The following LRIT2 variants were observed in gnomAD, a reference collection of about 807,000 sequenced individuals.
LRIT2 encodes the protein leucine rich repeat, Ig-like and transmembrane domains 2.
A neutral mutation model predicts 22.4 loss-of-function variants in LRIT2; 23 were observed. The ratio of observed to expected loss-of-function variants is 1.03; its 90% confidence interval spans 0.74 to 1.45. The LOEUF is 1.45. LRIT2 is among the 40% of genes most tolerant of loss of function. LRIT2 has a pLI of 0.00. For synonymous variants in LRIT2, 291 were observed against 267.1 expected (o/e 1.09, Z -0.87); for missense variants, 784 against 665.6 (o/e 1.18, Z -1.96).
At chr10:84,225,268 TC>T in intron 1 of LRIT2, 142 bp downstream of exon 1, 1 of 1,212,040 alleles carries the variant, frequency 8.3e-7, no homozygotes, top group Non-Finnish European at 1.1e-6. Flanking sequence ...AATGCACAGT[TC>T]AGCAAAGTTC....
Position 84,222,264 on chromosome 10 carries a change from C to T in LRIT2, c.1309G>A (p.Gly437Ser). The change falls in exon 3 of 3, where the codon GGC (glycine) becomes AGC (serine). Residue 437 changes from glycine (G) to serine (S), a missense_variant. Gly to Ser is a moderately conservative substitution (Grantham distance 56). Transcript: ENST00000372113. ...CACTGGCCCTGGTGTGGAGGCTGGC[C>T]CTCTAGGCTGAGGCAGGCCTCATAT... ...TKYEACLSLE[G>S]QPPHQGQCVA... 6.2e-7 allele frequency: 1 copy of T among 1,614,182 alleles called. No homozygotes were observed. Among genetic ancestry groups the T allele is most frequent in the Non-Finnish European group, 8.5e-7 (1 of 1,180,036 alleles).
intron 1 of LRIT2, 49 bp from the exon 2 acceptor site, chr10:84,225,163 A>G: frequency 6.6e-7 from 1 of 1,519,126 alleles, no homozygotes; most frequent in East Asian, 2.3e-5. Flanking sequence ...GGGGACTGAA[A>G]AGTGGGGTCA....
In LRIT2 at chr10:84,221,388, A is replaced by G. The variant is rs1842503397; in HGVS notation, c.*532T>C. ...AGAGGGTCACACTTTATAAACAATG[A>G]AAGACACAAGAATACCGCAAAACAG... On this transcript the variant is annotated 3_prime_UTR_variant, in exon 3 of 3. Transcript: ENST00000372113. 6.6e-6 allele frequency: 1 copy of G among 152,278 alleles called. No individual in the cohort carries two copies. The highest frequency in any genetic ancestry group is 1.5e-5 in the Non-Finnish European group (1 of 68,108). The allele number at this position is 152,278 out of a possible 1,614,324, so 9.4% of individuals were successfully genotyped here. A position where few individuals can be genotyped will look rare whatever the true frequency, so the allele number is the denominator to read the frequency against.
chr10:84,222,474 C>A lies in LRIT2; in HGVS notation c.1099G>T (p.Asp367Tyr). Residue 367 changes from aspartate (D) to tyrosine (Y), a missense_variant, in exon 3 of 3, where the codon GAC becomes TAC. By Grantham distance (160) the Asp-to-Tyr change is radical. Coordinates refer to ENST00000372113, the MANE Select transcript of LRIT2 (RefSeq NM_001017924.5). ...ACTGTCTGCTTGACAACCCGCAGGT[C>A]AATGTAGGCATTGCCCTCCGAGGGG... ...SIPSEGNAYI[D>Y]LRVVKQTVHG... 1 of 1,614,006 alleles carries A rather than the reference C, an allele frequency of 6.2e-7. No homozygotes were observed. The highest frequency in any genetic ancestry group is 1.1e-5 in the South Asian group (1 of 91,068).
Position 84,221,658 on chromosome 10 carries a change from C to G in LRIT2, c.*262G>C, listed in dbSNP as rs955643879. The G allele has an allele frequency of 2.9e-6, 1 of 345,078 alleles. No individual in the cohort carries two copies. Among genetic ancestry groups the G allele is most frequent in the Non-Finnish European group, 5.3e-6 (1 of 190,434 alleles). 21.4% of individuals were successfully genotyped at this position (345,078 alleles called of 1,614,324 possible). A position where few individuals can be genotyped will look rare whatever the true frequency, so the allele number is the denominator to read the frequency against. ...AGAGTAATATTTAGTGATTTCTAATCACCATGTATAATAAAATGATTAATT... is the reference window on the plus strand; with the variant it reads ...AGAGTAATATTTAGTGATTTCTAATGACCATGTATAATAAAATGATTAATT... On this transcript the variant is annotated 3_prime_UTR_variant, in exon 3 of 3. Coordinates refer to ENST00000372113, the MANE Select transcript of LRIT2 (RefSeq NM_001017924.5).
chr10:84,224,364 A>C lies in LRIT2; in HGVS notation c.861T>G (p.Thr287=), dbSNP rs761868490. 5 of 1,613,790 alleles carry C rather than the reference A, an allele frequency of 3.1e-6. No individual in the cohort carries two copies. Among genetic ancestry groups the C allele is most frequent in the Non-Finnish European group, 3.4e-6 (4 of 1,179,998 alleles). Residue 287 remains threonine (T), a synonymous_variant, in exon 2 of 3, where the codon ACT becomes ACG. Coordinates refer to ENST00000372113, the MANE Select transcript of LRIT2 (RefSeq NM_001017924.5). ...ATTCTCTCCACATACTCAGGGGATA[A>C]GTCCATGCAATGGATGGTGAGGGGC... The part of the protein sequence containing the change: ...QASPSPSIAW[T]YPLSMWREFD...
chr10:84,222,772 G>C lies in LRIT2; in HGVS notation c.893-92C>G, dbSNP rs947480843. On this transcript the variant is annotated intron_variant, in intron 2 of 2. Coordinates refer to ENST00000372113, the MANE Select transcript of LRIT2 (RefSeq NM_001017924.5). ...TGCCAGTTTTGTTTTGTTTTGCTTTGTTTTTTGTTATTGTTGTTGTTAGAA... is the reference window on the plus strand; with the variant it reads ...TGCCAGTTTTGTTTTGTTTTGCTTTCTTTTTTGTTATTGTTGTTGTTAGAA... The C allele has an allele frequency of 2.0e-6, 3 of 1,464,674 alleles. No individual in the cohort carries two copies. In the African/African-American group the frequency reaches 4.2e-5, roughly 20 times the overall value. The allele number at this position is 1,464,674 out of a possible 1,614,324, so 90.7% of individuals were successfully genotyped here.
rs917916099 is a variant in LRIT2, at chr10:84,225,028, G to A, written c.197C>T (p.Pro66Leu). 6.2e-7 allele frequency: 1 copy of A among 1,614,018 alleles called. No homozygotes were observed. The change falls in exon 2 of 3, where the codon CCC becomes CTC. Residue 66 changes from proline to leucine, a missense_variant. Coordinates refer to ENST00000372113, the MANE Select transcript of LRIT2 (RefSeq NM_001017924.5). ...AGACCCTTGGGGCATCTCAAATAAG[G>A]GTGAATTTTCAATTCTCACTTGCTT... ...EFKQVRIENS[P>L]LFEMPQGSFI...
At position 84,221,809 on chromosome 10, in the gene LRIT2, A is replaced by T; in HGVS notation, c.*111T>A. 2 of 1,069,144 alleles carry T rather than the reference A, an allele frequency of 1.9e-6. No homozygotes were observed. Among genetic ancestry groups the T allele is most frequent in the Non-Finnish European group, 2.6e-6 (2 of 764,762 alleles). The allele number at this position is 1,069,144 out of a possible 1,614,324, so 66.2% of individuals were successfully genotyped here. A position where few individuals can be genotyped will look rare whatever the true frequency, so the allele number is the denominator to read the frequency against. On this transcript the variant is annotated 3_prime_UTR_variant, in exon 3 of 3. Transcript: ENST00000372113. The stretch of plus-strand genomic sequence containing the variant: ...CCCTGTGTCAAGTTCAGTGCTTGGA[A>T]CACAGTGGGTGCTCAATATATACTT...
At chr10:84,225,270 A>G in intron 1 of LRIT2, 141 bp downstream of exon 1, 2 of 1,226,228 alleles carry the variant, frequency 1.6e-6, no homozygotes, top group Non-Finnish European at 2.2e-6. Flanking sequence ...TGCACAGTTC[A>G]GCAAAGTTCA....
At chr10:84,225,545 T>C, upstream of LRIT2, 9 of 1,610,186 alleles carry the variant, frequency 5.6e-6, no homozygotes, top group Non-Finnish European at 6.8e-6. Context: ...AAATACGTTG[T>C]GAGTTTTGAA....
rs753573333 is a variant in LRIT2, at chr10:84,225,149, A to G, written c.111-35T>C. 6.4e-6 allele frequency: 10 copies of G among 1,555,720 alleles called. No homozygotes were observed. In the African/African-American group the frequency reaches 1.4e-4, roughly 21 times the overall value. ...AAACCAGAACAGCTTTAAGATAAACAACAGGGGACTGAAAAGTGGGGTCAG... is the reference window on the plus strand; with the variant it reads ...AAACCAGAACAGCTTTAAGATAAACGACAGGGGACTGAAAAGTGGGGTCAG... On this transcript the variant is annotated intron_variant, in intron 1 of 2. Transcript: ENST00000372113.
In LRIT2 at chr10:84,221,824, A is replaced by AAT; in HGVS notation, c.*94_*95dup. ...AGTGCTTGGAACACAGTGGGTGCTC[A>AAT]ATATATACTTGCTGGATAAATGGAT... On this transcript the variant is annotated 3_prime_UTR_variant, in exon 3 of 3. Coordinates refer to ENST00000372113, the MANE Select transcript of LRIT2 (RefSeq NM_001017924.5). 1 of 1,258,364 alleles carries AAT rather than the reference A, an allele frequency of 7.9e-7. No homozygotes were observed. Among genetic ancestry groups the AAT allele is most frequent in the Non-Finnish European group, 1.1e-6 (1 of 920,528 alleles). The allele number at this position is 1,258,364 out of a possible 1,614,324, so 77.9% of individuals were successfully genotyped here. A position where few individuals can be genotyped will look rare whatever the true frequency, so the allele number is the denominator to read the frequency against.
Position 84,221,868 on chromosome 10 carries a change from T to C in LRIT2, c.*52A>G. 1.3e-6 allele frequency: 2 copies of C among 1,492,650 alleles called. No homozygotes were observed. Among genetic ancestry groups the C allele is most frequent in the Non-Finnish European group, 1.8e-6 (2 of 1,115,972 alleles). 92.5% of individuals were successfully genotyped at this position (1,492,650 alleles called of 1,614,324 possible). A position where few individuals can be genotyped will look rare whatever the true frequency, so the allele number is the denominator to read the frequency against. ...AATGGATGGAGCTGCTGCAGAGGGTTGGTTTCAGAGGCTTGAAGCCCAAGC... is the reference window on the plus strand; with the variant it reads ...AATGGATGGAGCTGCTGCAGAGGGTCGGTTTCAGAGGCTTGAAGCCCAAGC... On this transcript the variant is annotated 3_prime_UTR_variant, in exon 3 of 3. Transcript: ENST00000372113.
At position 84,222,109 on chromosome 10, in the gene LRIT2, G is replaced by A; in HGVS notation, c.1464C>T (p.Gly488=). 1 of 1,608,690 alleles carries A rather than the reference G, an allele frequency of 6.2e-7. No homozygotes were observed. The highest frequency in any genetic ancestry group is 8.5e-7 in the Non-Finnish European group (1 of 1,176,396). ...PVGAYAWAAQ[G]PCSCSKWVLR... ...GGACCCACTTGCTGCAGCTGCAGGG[G>A]CCCTGGGCTGCCCAGGCATAGGCGC... Residue 488 remains glycine (G), a synonymous_variant, in exon 3 of 3, where the codon GGC becomes GGT. Coordinates refer to ENST00000372113, the MANE Select transcript of LRIT2 (RefSeq NM_001017924.5).
At position 84,220,776 on chromosome 10, in the gene LRIT2, A is replaced by G. The variant is rs537800700; in HGVS notation, c.*1144T>C. On this transcript the variant is annotated 3_prime_UTR_variant, in exon 3 of 3. Coordinates refer to ENST00000372113, the MANE Select transcript of LRIT2 (RefSeq NM_001017924.5). ...TCAAGGAAAGCTCTGTGGAAGACGT[A>G]ATGTACACACTTGAGAGAGGCCTAA... The G allele has an allele frequency of 2.0e-5, 3 of 152,356 alleles. No homozygotes were observed. In the East Asian group the frequency reaches 5.8e-4, roughly 29 times the overall value. The allele number at this position is 152,356 out of a possible 1,614,324, so 9.4% of individuals were successfully genotyped here. A position where few individuals can be genotyped will look rare whatever the true frequency, so the allele number is the denominator to read the frequency against.
chr10:84,225,069 G>T lies in LRIT2; in HGVS notation c.156C>A (p.Asn52Lys), dbSNP rs780350837. Residue 52 changes from asparagine (N) to lysine (K), a missense_variant, in exon 2 of 3, where the codon AAC becomes AAA. Asn to Lys is a moderately conservative substitution (Grantham distance 94). Coordinates refer to ENST00000372113, the MANE Select transcript of LRIT2 (RefSeq NM_001017924.5). ...TCACTTGCTTGAACTCTTCAGAAAG[G>T]TTCCCAGGGATCTTTCCCAAGGAGA... ...TSVSLGKIPG[N>K]LSEEFKQVRI... 1 of 1,613,866 alleles carries T rather than the reference G, an allele frequency of 6.2e-7. No individual in the cohort carries two copies. Among genetic ancestry groups the T allele is most frequent in the African/African-American group, 1.3e-5 (1 of 74,872 alleles).
At chr10:84,222,962 A>T in intron 2 of LRIT2, 1 of 671,582 alleles carries the variant, frequency 1.5e-6, no homozygotes, top group South Asian at 1.6e-5. Context: ...TTGATATGGG[A>T]CCTGGCTCTT....
At chr10:84,224,151 C>T (rs1339504298) in intron 2 of LRIT2, among the ~76,000 whole-genome samples, 182 bp downstream of exon 2, 1 of 152,152 alleles carries the variant, frequency 6.6e-6, no homozygotes, top group African/African-American at 2.4e-5. Flanking sequence ...TAAAATAATG[C>T]CAATAGTGGA....
Sources: gnomAD v4.1 joint callset for allele counts (sites outside exome capture counted in the v4.1 genomes callset) on GRCh38, gnomAD v4.1.1 for gene constraint, MANE v1.5 for transcripts, NCBI Gene and HGNC (gene_info 2026-07-23, HGNC 2026-07-21) for gene names.